The following KDM4C variants were observed in gnomAD, a reference collection of about 807,000 sequenced individuals.
The protein encoded by KDM4C is lysine demethylase 4C.
KDM4C carries 81 observed loss-of-function variants against 129.3 expected under a neutral mutation model. The ratio of observed to expected loss-of-function variants is 0.63; its 90% CI spans 0.52 to 0.75. The LOEUF is 0.75. KDM4C is among the 30% of genes least tolerant of loss of function. The pLI is 0.00. For missense variants in KDM4C, 1,457 were observed against 1,304.0 expected (o/e 1.12, Z -1.81); for synonymous variants, 573 against 456.1 (o/e 1.26, Z -3.26).
At chr9:7,160,999 C>T (rs1045838916) in intron 19 of KDM4C, among the ~76,000 whole-genome samples, 7 of 152,200 alleles carry the variant, frequency 4.6e-5, no homozygotes, top group Admixed American at 3.3e-4. Context: ...GTTCAAGCTT[C>T]CCAGCCGCTT....
intron 4 of KDM4C, among the ~76,000 whole-genome samples, chr9:6,819,555 T>C (rs1832674743): frequency 6.6e-6 from 1 of 152,216 alleles, no homozygotes; most frequent in Non-Finnish European, 1.5e-5. Context: ...GACTGACATT[T>C]TCATGCTTTT....
intron 1 of KDM4C, among the ~76,000 whole-genome samples, chr9:6,744,268 G>A (rs1184530307): frequency 2.6e-5 from 4 of 152,154 alleles, no homozygotes; most frequent in Non-Finnish European, 2.9e-5. Context: ...GCTCATGCCT[G>A]TAATCCCAGC....
chr9:7,089,814 G>T (rs531950875), intron 17 of KDM4C, among the ~76,000 whole-genome samples: 7 of 152,212 alleles, frequency 4.6e-5, no homozygotes, highest in Non-Finnish European at 1.0e-4. Flanking sequence ...GCCATATTTT[G>T]CTGGCTCGGC....
Position 7,083,626 on chromosome 9 carries a change from C to G in KDM4C, c.2425-20059C>G, listed in dbSNP as rs144101552. 3.2e-3 allele frequency among the ~76,000 whole-genome samples: 481 copies of G among 151,294 alleles called. 1 individual carries two copies. The highest frequency in any genetic ancestry group is 0.011 in the African/African-American group (453 of 41,146). ...TATCTAAACATAGAAAAGATATAGC[C>G]AAAATTAGGTATTACAATCTTATGG... On this transcript the variant is annotated intron_variant, in intron 17 of 21. Transcript: ENST00000381309.
At chr9:6,821,158 G>T (rs931863784) in intron 4 of KDM4C, among the ~76,000 whole-genome samples, 1 of 151,968 alleles carries the variant, frequency 6.6e-6, no homozygotes. Flanking sequence ...CTTTGCTGTT[G>T]TGAATAGTGC....
chr9:7,149,651 A>G (rs977346106), intron 19 of KDM4C, among the ~76,000 whole-genome samples: 12 of 152,240 alleles, frequency 7.9e-5, no homozygotes, highest in Admixed American at 3.3e-4. Flanking sequence ...TTGAAACGTA[A>G]TGCATAAAGC....
intron 18 of KDM4C, among the ~76,000 whole-genome samples, chr9:7,115,875 T>C (rs938101332): frequency 1.3e-5 from 2 of 152,228 alleles, no homozygotes; most frequent in African/African-American, 4.8e-5. Flanking sequence ...TCTGCACATT[T>C]CTCACATACA....
At chr9:6,801,627 C>G (rs911972381) in intron 2 of KDM4C, among the ~76,000 whole-genome samples, 1 of 151,704 alleles carries the variant, frequency 6.6e-6, no homozygotes, top group African/African-American at 2.4e-5. Context: ...TGCTCTCTCT[C>G]TCTCTCTCTC....
intron 8 of KDM4C, among the ~76,000 whole-genome samples, chr9:6,930,447 CTT>C (rs1162517711): frequency 7.2e-6 from 1 of 138,646 alleles, no homozygotes; most frequent in African/African-American, 2.5e-5. Context: ...TTAAAAATGT[CTT>C]TTGAAAAAAT....
chr9:6,815,500 C>G (rs1187008861), intron 4 of KDM4C, among the ~76,000 whole-genome samples: 1 of 152,078 alleles, frequency 6.6e-6, no homozygotes, highest in Non-Finnish European at 1.5e-5. Flanking sequence ...GAGGTGTGAA[C>G]CACCAGGCCT....
At chr9:7,034,829 C>G (rs1473609194) in intron 15 of KDM4C, among the ~76,000 whole-genome samples, 1 of 152,144 alleles carries the variant, frequency 6.6e-6, no homozygotes, top group Non-Finnish European at 1.5e-5. Flanking sequence ...CACGTCCTTA[C>G]CAGTATTTGT....
rs558202910 is a variant in KDM4C, at chr9:6,746,152, G to A, written c.49+25155G>A. ...GACGGGGTTTCACTATGTTAACCAG[G>A]CTGGTCTCACACTCCTGACCTCAAG... is the stretch of plus-strand genomic sequence containing the variant. On this transcript the variant is annotated intron_variant, in intron 1 of 17. Transcript: ENST00000536108. 2.4e-3 allele frequency among the ~76,000 whole-genome samples: 367 copies of A among 151,388 alleles called. 2 individuals are homozygous for A. The highest frequency in any genetic ancestry group is 8.6e-3 in the African/African-American group (355 of 41,216).
chr9:6,794,542 T>C (rs1004424863), intron 2 of KDM4C, among the ~76,000 whole-genome samples: 2 of 152,278 alleles, frequency 1.3e-5, no homozygotes, highest in Non-Finnish European at 2.9e-5. Context: ...TTTGAAAAGA[T>C]CACACTGGCT....
chr9:6,986,146 G>T (rs564031236), intron 10 of KDM4C, among the ~76,000 whole-genome samples, 198 bp from the exon 11 acceptor site: 2 of 152,316 alleles, frequency 1.3e-5, no homozygotes, highest in Admixed American at 1.3e-4. Context: ...TACTTGAGTA[G>T]AAGAACTGGG....
intron 15 of KDM4C, among the ~76,000 whole-genome samples, chr9:7,045,193 T>C (rs1181800714): frequency 6.6e-6 from 1 of 152,018 alleles, no homozygotes; most frequent in Non-Finnish European, 1.5e-5. Context: ...AATCAGGTGC[T>C]TTTGAGCAGC....
At chr9:6,889,156 T>A (rs1262248769) in intron 7 of KDM4C, among the ~76,000 whole-genome samples, 3 of 151,096 alleles carry the variant, frequency 2.0e-5, no homozygotes, top group Non-Finnish European at 2.9e-5. Flanking sequence ...AGCTTTTTGC[T>A]TGTGACTAAA....
chr9:6,985,274 C>T (rs1020358406), intron 10 of KDM4C, among the ~76,000 whole-genome samples: 4 of 152,142 alleles, frequency 2.6e-5, no homozygotes, highest in East Asian at 3.8e-4. Context: ...AGTATTATTC[C>T]ACCTATAATA....
At chr9:7,124,227 A>G (rs1839800358) in intron 18 of KDM4C, among the ~76,000 whole-genome samples, 1 of 152,244 alleles carries the variant, frequency 6.6e-6, no homozygotes, top group Non-Finnish European at 1.5e-5. Context: ...GAGGGCAAAC[A>G]ATTTTTATTC....
At chr9:6,813,942 G>T (rs1352618639) in intron 3 of KDM4C, among the ~76,000 whole-genome samples, 1 of 152,024 alleles carries the variant, frequency 6.6e-6, no homozygotes, top group Non-Finnish European at 1.5e-5. Flanking sequence ...CTAGTTGATG[G>T]ATATAAACTT....
Sources: allele counts gnomAD v4.1 joint callset (sites outside exome capture counted in the v4.1 genomes callset), GRCh38; gene constraint gnomAD v4.1.1; transcripts MANE v1.5; gene names NCBI Gene and HGNC (gene_info 2026-07-23, HGNC 2026-07-21).